PSD3: variants seen among roughly 807,000 people sequenced by gnomAD.
The protein encoded by PSD3 is PH and SEC7 domain-containing protein 3.
PSD3 carries 49 observed loss-of-function variants against 105.5 expected under a neutral mutation model. The ratio of observed to expected loss-of-function variants is 0.46; its 90% confidence interval spans 0.37 to 0.59. The LOEUF (loss-of-function observed/expected upper bound fraction) is 0.59, where lower values mean the gene tolerates loss of function less well. PSD3 is among the 20% of genes least tolerant of loss of function. The probability of loss-of-function intolerance (pLI) is 0.00; values close to 1 mark genes in which losing one functional copy is unlikely to be tolerated. For missense variants in PSD3, 1,561 were observed against 1,263.8 expected, an observed-to-expected ratio of 1.24 and a Z score of -3.57; for synonymous variants, 557 against 457.8, an observed-to-expected ratio of 1.22 and a Z score of -2.77.
Position 18,659,113 on chromosome 8 carries a change from G to C in PSD3, c.2173-3428C>G, listed in dbSNP as rs903805266. Among the ~76,000 whole-genome samples, 6 of 152,282 alleles carry C rather than the reference G, an allele frequency of 3.9e-5. No individual in the cohort carries two copies. The South Asian group carries it at 6.2e-4, about 16-fold the overall frequency. ...CCCATCTCTGAAGCCAAGGGGACTA[G>C]GGGGTTGTGGGGAGGTGGGTATTAA... On this transcript the variant is annotated intron_variant, in intron 9 of 15. Coordinates refer to ENST00000327040, the MANE Select transcript of PSD3 (RefSeq NM_015310.4).
At chr8:18,836,154 G>T (rs1239672189) in intron 4 of PSD3, among the ~76,000 whole-genome samples, 1 of 152,164 alleles carries the variant, frequency 6.6e-6, no homozygotes, top group East Asian at 1.9e-4. Flanking sequence ...ATGCCAAAAA[G>T]GTGCTGGAGA....
chr8:19,063,617 G>A (rs1390421636), intron 1 of PSD3, among the ~76,000 whole-genome samples: 1 of 152,118 alleles, frequency 6.6e-6, no homozygotes, highest in Non-Finnish European at 1.5e-5. Flanking sequence ...TAGCATGTCT[G>A]GAGATCAATA....
intron 4 of PSD3, among the ~76,000 whole-genome samples, chr8:18,842,777 T>A (rs1008185117): frequency 6.6e-6 from 1 of 151,982 alleles, no homozygotes; most frequent in Non-Finnish European, 1.5e-5. Context: ...AGACTATTAA[T>A]ATTCAGTGAA....
chr8:19,057,669 A>C (rs1008692813), intron 1 of PSD3, among the ~76,000 whole-genome samples: 2 of 152,170 alleles, frequency 1.3e-5, no homozygotes, highest in Non-Finnish European at 2.9e-5. Context: ...GCCCCCAAAG[A>C]AGAGGGCCTC....
At chr8:18,625,167 G>A (rs939362836) in intron 11 of PSD3, among the ~76,000 whole-genome samples, 1 of 147,324 alleles carries the variant, frequency 6.8e-6, no homozygotes, top group Non-Finnish European at 1.5e-5. Flanking sequence ...TGGTTTTTGT[G>A]TTAGAACTGA....
intron 4 of PSD3, among the ~76,000 whole-genome samples, chr8:18,846,717 C>T (rs926428787): frequency 2.6e-5 from 4 of 152,122 alleles, no homozygotes; most frequent in African/African-American, 7.2e-5. Context: ...GCAGGATGCA[C>T]GGGAGGCGCC....
intron 15 of PSD3, among the ~76,000 whole-genome samples, chr8:18,540,069 C>A (rs1328701616): frequency 6.6e-6 from 1 of 152,122 alleles, no homozygotes; most frequent in East Asian, 1.9e-4. Flanking sequence ...TTAAAGCAGG[C>A]GTGATGACCC....
intron 4 of PSD3, among the ~76,000 whole-genome samples, chr8:18,844,679 T>C (rs1019529116): frequency 7.9e-5 from 12 of 152,176 alleles, no homozygotes; most frequent in Non-Finnish European, 1.3e-4. Flanking sequence ...ATAGGATGGA[T>C]TGCTTTCTCA....
chr8:18,927,102 A>G (rs1417305695), intron 2 of PSD3, among the ~76,000 whole-genome samples: 1 of 152,138 alleles, frequency 6.6e-6, no homozygotes, highest in Non-Finnish European at 1.5e-5. Context: ...TGCATATGGT[A>G]TGTATGGGAA....
intron 6 of PSD3, chr8:18,804,221 C>T (rs1810988697): frequency 1.2e-5 from 3 of 253,184 alleles, no homozygotes; most frequent in African/African-American, 2.2e-5. Flanking sequence ...ATCAGAGATG[C>T]TCCAAAATCT....
chr8:19,015,181 G>T (rs1827138247), upstream of PSD3, among the ~76,000 whole-genome samples: 1 of 152,136 alleles, frequency 6.6e-6, no homozygotes, highest in Admixed American at 6.5e-5. Context: ...AGTCTCACGA[G>T]ATCTGAAGAT....
At chr8:18,870,639 C>A (rs564652757) in intron 3 of PSD3, among the ~76,000 whole-genome samples, 1 of 151,390 alleles carries the variant, frequency 6.6e-6, no homozygotes, top group South Asian at 2.1e-4. Context: ...TGTAACAAAC[C>A]TGCACGTTCT....
At chr8:19,084,551 C>T (rs958627541) in exon 1 of PSD3, 4 of 385,970 alleles carry the variant, frequency 1.0e-5, no homozygotes, top group African/African-American at 2.1e-5. Flanking sequence ...GGCTAGGAAG[C>T]CTCCATGCCA....
At chr8:18,668,126 C>T (rs1180820327) in intron 9 of PSD3, among the ~76,000 whole-genome samples, 1 of 152,248 alleles carries the variant, frequency 6.6e-6, no homozygotes, top group African/African-American at 2.4e-5. Flanking sequence ...CAGAAACGGG[C>T]TCCCACAGTG....
At chr8:18,734,150 T>C (rs1803977983) in intron 9 of PSD3, 2 of 152,194 alleles carry the variant, frequency 1.3e-5, no homozygotes, top group South Asian at 2.1e-4. Flanking sequence ...AAGACAAAAG[T>C]AGAAAATATC....
At chr8:18,645,214 A>T (rs1213378955) in intron 10 of PSD3, among the ~76,000 whole-genome samples, 7 of 152,374 alleles carry the variant, frequency 4.6e-5, no homozygotes, top group African/African-American at 1.7e-4. Context: ...CTCTGGGGAC[A>T]TGCTGACACC....
At chr8:18,709,765 C>A (rs1253605077) in intron 9 of PSD3, among the ~76,000 whole-genome samples, 1 of 152,034 alleles carries the variant, frequency 6.6e-6, no homozygotes, top group Non-Finnish European at 1.5e-5. Flanking sequence ...GAAGAGGGAC[C>A]TAACTATTAA....
chr8:18,836,471 T>C (rs1013198590), intron 4 of PSD3, among the ~76,000 whole-genome samples: 3 of 152,208 alleles, frequency 2.0e-5, no homozygotes, highest in African/African-American at 7.2e-5. Context: ...GAAATGCATA[T>C]ATTAATACTA....
intron 2 of PSD3, among the ~76,000 whole-genome samples, chr8:18,875,830 C>A (rs1288295811): frequency 1.3e-5 from 2 of 152,206 alleles, no homozygotes; most frequent in African/African-American, 4.8e-5. Flanking sequence ...AGCCATGGCG[C>A]CTGGCCATTC....
Sources: gnomAD v4.1 joint callset for allele counts (sites outside exome capture counted in the v4.1 genomes callset) on GRCh38, gnomAD v4.1.1 for gene constraint, MANE v1.5 for transcripts, NCBI Gene and HGNC (gene_info 2026-07-23, HGNC 2026-07-21) for gene names.